Variants in STYX observed in about 807,000 individuals in gnomAD.
STYX encodes serine/threonine/tyrosine-interacting protein.
Under a neutral mutation model 42.7 loss-of-function variants are expected in STYX, and 20 were observed. The ratio of observed to expected loss-of-function variants is 0.47; its 90% confidence interval spans 0.33 to 0.68. The LOEUF is 0.68. Among genes scored for constraint, STYX ranks in the 30% least tolerant of loss-of-function variants. The pLI is 0.02. For missense variants in STYX, 226 were observed against 268.5 expected (o/e 0.84, Z 1.11); for synonymous variants, 78 against 81.9 (o/e 0.95, Z 0.26).
intron 9 of STYX, among the ~76,000 whole-genome samples, chr14:52,768,183 T>C (rs1313121451): frequency 1.3e-5 from 2 of 152,132 alleles, no homozygotes; most frequent in Non-Finnish European, 2.9e-5. Context: ...ATGGTTCTAT[T>C]TTTTTTGAAA....
chr14:52,761,566 G>GTTT lies in STYX; in HGVS notation c.504+1830_504+1832dup, dbSNP rs539782412. On this transcript the variant is annotated intron_variant, in intron 9 of 10. Coordinates refer to ENST00000354586, the MANE Select transcript of STYX (RefSeq NM_145251.4). ...CCCTAATTAACACCAGTAGCCAAAAGTTTTTTTTTTTTTTTTTTTTGAGAT... is the reference window on the plus strand; with the variant it reads ...CCCTAATTAACACCAGTAGCCAAAAGTTTTTTTTTTTTTTTTTTTTTTTGAGAT... Among the ~76,000 whole-genome samples the GTTT allele has an allele frequency of 1.3e-3, 132 of 100,834 alleles. 3 individuals are homozygous for GTTT. Among genetic ancestry groups the GTTT allele is most frequent in the Non-Finnish European group, 1.7e-3 (90 of 52,882 alleles). The allele number at this position is 100,834 out of a possible 152,430, so 66.2% of individuals were successfully genotyped here.
chr14:52,741,331 G>T (rs1316257099), intron 1 of STYX, among the ~76,000 whole-genome samples: 1 of 151,796 alleles, frequency 6.6e-6, no homozygotes, highest in Non-Finnish European at 1.5e-5. Context: ...CAATGTGTGA[G>T]AGTCCCAGTT....
Position 52,750,711 on chromosome 14 carries a change from C to T in STYX, c.173C>T (p.Thr58Ile). 6.3e-7 allele frequency: 1 copy of T among 1,587,034 alleles called. No homozygotes were observed. The highest frequency in any genetic ancestry group is 8.6e-7 in the Non-Finnish European group (1 of 1,169,554). Residue 58 changes from threonine to isoleucine, a missense_variant, in exon 4 of 11, where the codon ACC (threonine) becomes ATC (isoleucine). By Grantham distance (89) the Thr-to-Ile change is moderately conservative. Coordinates refer to ENST00000354586, the MANE Select transcript of STYX (RefSeq NM_145251.4). ...CCTGTACTACAGAAACATGGAATAA[C>T]CCATATAATATGCATACGACAAAAT... The part of the protein sequence containing the change: ...KLPVLQKHGI[T>I]HIICIRQNIE...
At chr14:52,739,655 T>TTTC (rs1881107128) in intron 1 of STYX, among the ~76,000 whole-genome samples, 1 of 119,214 alleles carries the variant, frequency 8.4e-6, no homozygotes, top group Admixed American at 9.4e-5. Flanking sequence ...TTTTTTTTTT[T>TTTC]CGTTGAGATA....
At chr14:52,750,029 A>G (rs1881548320) in intron 3 of STYX, among the ~76,000 whole-genome samples, 1 of 152,216 alleles carries the variant, frequency 6.6e-6, no homozygotes, top group Non-Finnish European at 1.5e-5. Context: ...AAATATTTCA[A>G]AATCTGAAAT....
At chr14:52,739,318 GTT>G (rs113362293) in intron 1 of STYX, among the ~76,000 whole-genome samples, 2 of 149,792 alleles carry the variant, frequency 1.3e-5, no homozygotes, top group African/African-American at 2.5e-5. Flanking sequence ...GTGTTGCCCT[GTT>G]TTTTTTTCTT....
chr14:52,746,509 G>T lies in STYX; in HGVS notation c.144+30G>T, dbSNP rs745575843. On this transcript the variant is annotated intron_variant, in intron 3 of 10. Transcript: ENST00000354586. Reference sequence around the variant, plus strand: ...GAACTTTGTTAGATTCATCAAGAGAGACTTTTATTAACCAACTTTTCTTGG... The same window carrying T: ...GAACTTTGTTAGATTCATCAAGAGATACTTTTATTAACCAACTTTTCTTGG... The T allele has an allele frequency of 1.4e-5, 22 of 1,540,192 alleles. 2 individuals are homozygous for T. The South Asian group carries it at 2.7e-4, about 19-fold the overall frequency.
chr14:52,752,884 T>TG (rs200097385), intron 4 of STYX, among the ~76,000 whole-genome samples: 13 of 140,504 alleles, frequency 9.3e-5, no homozygotes, highest in African/African-American at 2.4e-4. Flanking sequence ...TTGTTGTTGT[T>TG]TTTTTTTTTT....
Position 52,771,056 on chromosome 14 carries a change from G to GAAGACC in STYX, c.626_627insCCAAGA (p.Glu208_Glu209insAspGln). The stretch of plus-strand genomic sequence containing the variant: ...AGGCAGTTTGAAGAGAACACATGAA[G>GAAGACC]AAGAGGATGATTTTGGAACCATGCA... On this transcript the variant is annotated inframe_insertion, in exon 11 of 11. Coordinates refer to ENST00000354586, the MANE Select transcript of STYX (RefSeq NM_145251.4). 1 of 1,612,996 alleles carries GAAGACC rather than the reference G, an allele frequency of 6.2e-7. No homozygotes were observed. The highest frequency in any genetic ancestry group is 8.5e-7 in the Non-Finnish European group (1 of 1,179,198).
intron 1 of STYX, among the ~76,000 whole-genome samples, chr14:52,732,091 GTTTTT>G (rs560828155): frequency 2.3e-5 from 2 of 86,000 alleles, no homozygotes; most frequent in African/African-American, 9.5e-5. Context: ...TATACTCATG[GTTTTT>G]TTTTTTTTTT....
chr14:52,766,278 T>G (rs1229955033), intron 9 of STYX, among the ~76,000 whole-genome samples: 4 of 152,188 alleles, frequency 2.6e-5, no homozygotes, highest in African/African-American at 9.7e-5. Flanking sequence ...GCGATTCTTC[T>G]GCCTCAGTCT....
At chr14:52,757,553 T>C (rs767222861) in intron 6 of STYX, among the ~76,000 whole-genome samples, 190 bp from the exon 7 acceptor site, 21 of 152,218 alleles carry the variant, frequency 1.4e-4, no homozygotes, top group Non-Finnish European at 2.6e-4. Flanking sequence ...TTTCAAATTC[T>C]CTGTGAGCTT....
At chr14:52,761,001 A>G (rs1244343421) in intron 9 of STYX, among the ~76,000 whole-genome samples, 1 of 152,142 alleles carries the variant, frequency 6.6e-6, no homozygotes, top group Non-Finnish European at 1.5e-5. Flanking sequence ...TTTAAAATTA[A>G]TTTTTGTATT....
chr14:52,732,817 C>T (rs995737653), intron 1 of STYX, among the ~76,000 whole-genome samples: 22 of 151,904 alleles, frequency 1.4e-4, no homozygotes, highest in Non-Finnish European at 2.8e-4. Context: ...ATTACAGGCG[C>T]CCGCCACCAC....
intron 1 of STYX, among the ~76,000 whole-genome samples, chr14:52,734,430 A>G (rs1485919034): frequency 2.0e-5 from 3 of 152,234 alleles, no homozygotes; most frequent in Admixed American, 1.3e-4. Context: ...TGTGAGGCTG[A>G]GAGTTCAACC....
intron 9 of STYX, among the ~76,000 whole-genome samples, chr14:52,762,984 C>G (rs1882159857): frequency 6.8e-6 from 1 of 146,304 alleles, no homozygotes; most frequent in African/African-American, 2.5e-5. Flanking sequence ...CCTCTGCCAC[C>G]TGGGTTCAAG....
intron 1 of STYX, among the ~76,000 whole-genome samples, chr14:52,731,308 G>C (rs1411375725): frequency 6.6e-6 from 1 of 151,500 alleles, no homozygotes; most frequent in Non-Finnish European, 1.5e-5. Flanking sequence ...GATTAAGAAA[G>C]AAAATCTAAC....
chr14:52,757,703 A>G (rs370738114), intron 6 of STYX, 40 bp from the exon 7 acceptor site: 2 of 1,595,652 alleles, frequency 1.3e-6, no homozygotes, highest in Non-Finnish European at 1.7e-6. Flanking sequence ...CTACTGACTC[A>G]GGTGTTTTTC....
intron 1 of STYX, among the ~76,000 whole-genome samples, chr14:52,735,134 TA>T (rs1399028066): frequency 6.6e-6 from 1 of 152,174 alleles, no homozygotes; most frequent in South Asian, 2.1e-4. Context: ...CCAGGTATTA[TA>T]AAGCATCAGA....
Sources: gnomAD v4.1 joint callset for allele counts (sites outside exome capture counted in the v4.1 genomes callset) on GRCh38, gnomAD v4.1.1 for gene constraint, MANE v1.5 for transcripts, NCBI Gene and HGNC (gene_info 2026-07-23, HGNC 2026-07-21) for gene names.